The following NMNAT2 variants were observed in gnomAD, a reference collection of about 807,000 sequenced individuals.
NMNAT2 encodes nicotinamide/nicotinic acid mononucleotide adenylyltransferase 2.
NMNAT2 carries 11 observed loss-of-function variants against 41.6 expected under a neutral mutation model. The ratio of observed to expected loss-of-function variants is 0.26; its 90% confidence interval spans 0.17 to 0.44. The LOEUF (loss-of-function observed/expected upper bound fraction) is 0.44. NMNAT2 is among the 20% of genes least tolerant of loss of function. NMNAT2 has a pLI of 1.00. For synonymous variants in NMNAT2, 148 were observed against 151.2 expected, an observed-to-expected ratio of 0.98 and a Z score of 0.16; for missense variants, 288 against 407.7, an observed-to-expected ratio of 0.71 and a Z score of 2.53.
chr1:183,354,161 C>G (rs1036463885), intron 1 of NMNAT2, among the ~76,000 whole-genome samples: 1 of 152,074 alleles, frequency 6.6e-6, no homozygotes, highest in Non-Finnish European at 1.5e-5. Flanking sequence ...GAGCCTTGCC[C>G]TTATCTTCAG....
intron 1 of NMNAT2, among the ~76,000 whole-genome samples, chr1:183,330,476 A>T (rs953273): frequency 6.6e-6 from 1 of 151,868 alleles, no homozygotes; most frequent in Non-Finnish European, 1.5e-5. Flanking sequence ...TTCAGCTTGG[A>T]CTGCTTCACC....
chr1:183,410,180 G>A (rs1018782031), intron 1 of NMNAT2, among the ~76,000 whole-genome samples: 7 of 150,744 alleles, frequency 4.6e-5, no homozygotes, highest in South Asian at 4.2e-4. Context: ...AAAAATAGCC[G>A]GGCATGATGG....
Position 183,255,780 on chromosome 1 carries a change from C to T in NMNAT2, c.822-3037G>A, listed in dbSNP as rs1197158098. 4.6e-5 allele frequency among the ~76,000 whole-genome samples: 7 copies of T among 151,590 alleles called. 1 individual carries two copies. In the South Asian group the frequency reaches 1.0e-3, roughly 23 times the overall value. ...CTGGGTTCAAGTGATTCTCCTACCT[C>T]GGCCTCCCGAGTAGCTCGGATTACA... On this transcript the variant is annotated intron_variant, in intron 10 of 10. Coordinates refer to ENST00000287713, the MANE Select transcript of NMNAT2 (RefSeq NM_015039.4).
At chr1:183,337,586 A>AAAT (rs1281200964) in intron 1 of NMNAT2, among the ~76,000 whole-genome samples, 1 of 151,714 alleles carries the variant, frequency 6.6e-6, no homozygotes, top group Non-Finnish European at 1.5e-5. Context: ...AAAAAAAAAA[A>AAAT]AAATACCATA....
At chr1:183,318,158 G>T (rs113909938) in intron 1 of NMNAT2, among the ~76,000 whole-genome samples, 9 of 152,096 alleles carry the variant, frequency 5.9e-5, no homozygotes, top group Non-Finnish European at 8.8e-5. Flanking sequence ...CCAGACATCC[G>T]GCCTAGGCTA....
At chr1:183,298,049 G>A (rs192602760) in intron 1 of NMNAT2, among the ~76,000 whole-genome samples, 4 of 152,262 alleles carry the variant, frequency 2.6e-5, no homozygotes, top group South Asian at 2.1e-4. Context: ...AGAAAGAAAC[G>A]TCCTCGACTT....
chr1:183,365,950 C>T (rs767477006), intron 1 of NMNAT2, among the ~76,000 whole-genome samples: 11 of 152,204 alleles, frequency 7.2e-5, no homozygotes, highest in Non-Finnish European at 1.6e-4. Context: ...TGAAATAACA[C>T]CTTGAATCAG....
chr1:183,345,798 T>C (rs1410908684), intron 1 of NMNAT2, among the ~76,000 whole-genome samples: 1 of 151,940 alleles, frequency 6.6e-6, no homozygotes, highest in Non-Finnish European at 1.5e-5. Flanking sequence ...GCCATTCTCC[T>C]GCCTCAGCCT....
chr1:183,308,800 T>C (rs566793815), intron 1 of NMNAT2, among the ~76,000 whole-genome samples: 1 of 152,090 alleles, frequency 6.6e-6, no homozygotes, highest in Non-Finnish European at 1.5e-5. Context: ...TGCTGTGGGT[T>C]GCTAGGGAGA....
intron 1 of NMNAT2, among the ~76,000 whole-genome samples, chr1:183,395,303 C>T (rs1364393937): frequency 6.6e-6 from 1 of 151,756 alleles, no homozygotes; most frequent in East Asian, 2.0e-4. Context: ...TTTTCTACCA[C>T]TCTAAATCAC....
At chr1:183,380,243 T>C (rs745836052) in intron 1 of NMNAT2, among the ~76,000 whole-genome samples, 1 of 152,234 alleles carries the variant, frequency 6.6e-6, no homozygotes, top group Non-Finnish European at 1.5e-5. Flanking sequence ...TGGAAACTTA[T>C]GGCATGCATT....
At chr1:183,398,084 C>T (rs2101924975) in intron 1 of NMNAT2, among the ~76,000 whole-genome samples, 1 of 152,230 alleles carries the variant, frequency 6.6e-6, no homozygotes, top group East Asian at 1.9e-4. Flanking sequence ...TGTAAATGAG[C>T]TAAATGCTCC....
At chr1:183,308,465 A>T (rs952553191) in intron 1 of NMNAT2, among the ~76,000 whole-genome samples, 3 of 152,214 alleles carry the variant, frequency 2.0e-5, no homozygotes, top group Non-Finnish European at 2.9e-5. Flanking sequence ...AATCCATACT[A>T]CAGAAAAAAC....
At chr1:183,348,081 A>T (rs942360366) in intron 1 of NMNAT2, among the ~76,000 whole-genome samples, 4 of 152,220 alleles carry the variant, frequency 2.6e-5, no homozygotes, top group African/African-American at 9.6e-5. Context: ...TTTAAAAGAC[A>T]GGACCTATAT....
chr1:183,264,103 A>G (rs1660740283), intron 8 of NMNAT2, among the ~76,000 whole-genome samples: 1 of 152,192 alleles, frequency 6.6e-6, no homozygotes, highest in African/African-American at 2.4e-5. Context: ...TAGATGTTTC[A>G]AGATAACCTA....
intron 1 of NMNAT2, among the ~76,000 whole-genome samples, chr1:183,340,943 G>A (rs979465955): frequency 3.9e-5 from 6 of 152,206 alleles, no homozygotes; most frequent in African/African-American, 1.4e-4. Flanking sequence ...GCTCACAAAG[G>A]CTCCACATGC....
chr1:183,304,648 G>A, intron 1 of NMNAT2: 1 of 1,607,424 alleles, frequency 6.2e-7, no homozygotes, highest in Non-Finnish European at 8.5e-7. Flanking sequence ...CATGCCATGT[G>A]CCTCAGGCTG....
intron 1 of NMNAT2, among the ~76,000 whole-genome samples, chr1:183,339,132 CTG>C (rs1433682593): frequency 1.3e-5 from 2 of 152,062 alleles, no homozygotes; most frequent in African/African-American, 4.8e-5. Flanking sequence ...GAGTCTCGCT[CTG>C]TCGCCCAGGC....
At chr1:183,263,167 G>A (rs911514547) in intron 8 of NMNAT2, among the ~76,000 whole-genome samples, 1 of 152,172 alleles carries the variant, frequency 6.6e-6, no homozygotes, top group Non-Finnish European at 1.5e-5. Flanking sequence ...GAAATAAAAA[G>A]TTGGCTGAAG....
Sources: gnomAD v4.1 joint callset for allele counts (sites outside exome capture counted in the v4.1 genomes callset) on GRCh38, gnomAD v4.1.1 for gene constraint, MANE v1.5 for transcripts, NCBI Gene and HGNC (gene_info 2026-07-23, HGNC 2026-07-21) for gene names.